The following NDUFAF6 variants were observed in gnomAD, a reference collection of about 807,000 sequenced individuals.
The protein encoded by NDUFAF6 is NADH:ubiquinone oxidoreductase complex assembly factor 6.
In NDUFAF6, 45 loss-of-function variants were observed where a neutral mutation model predicts 40.8. The observed-to-expected ratio is 1.10, with a 90% CI of 0.87 to 1.42. The LOEUF is 1.42. Among genes scored for constraint, NDUFAF6 ranks in the 40% most tolerant of loss-of-function variants. The pLI is 0.00. For synonymous variants in NDUFAF6, 185 were observed against 155.9 expected, an observed-to-expected ratio of 1.19 and a Z score of -1.39; for missense variants, 435 against 418.5, an observed-to-expected ratio of 1.04 and a Z score of -0.34.
intron 6 of NDUFAF6, among the ~76,000 whole-genome samples, chr8:95,047,432 C>A (rs943371739): frequency 6.6e-6 from 1 of 151,652 alleles, no homozygotes; most frequent in Admixed American, 6.6e-5. Context: ...TTCACCTTAG[C>A]CTGTTCTTTA....
intron 1 of NDUFAF6, chr8:94,930,802 A>T (rs1351502266): frequency 1.3e-6 from 2 of 1,513,224 alleles, no homozygotes; most frequent in East Asian, 4.6e-5. Context: ...GTTACTTAGC[A>T]ATTCAATTTG....
chr8:95,048,352 T>C, intron 6 of NDUFAF6, 105 bp from the exon 7 acceptor site: 1 of 807,216 alleles, frequency 1.2e-6, no homozygotes, highest in African/African-American at 1.7e-5. Context: ...ACGTGTTCTC[T>C]TGTGCTAAGT....
chr8:94,976,312 T>A (rs1824930296), intron 1 of NDUFAF6, among the ~76,000 whole-genome samples: 1 of 152,000 alleles, frequency 6.6e-6, no homozygotes, highest in Admixed American at 6.6e-5. Flanking sequence ...GAGACCATCC[T>A]AGCCAACGTG....
At position 95,066,289 on chromosome 8, in the gene NDUFAF6, T is replaced by C. The variant is rs1280617020; in HGVS notation, c.*512-9344T>C. On this transcript the variant is annotated intron_variant and NMD_transcript_variant, in intron 9 of 9. Coordinates refer to the NDUFAF6 transcript ENST00000520757. ...ATCATGCCTGGCTTGCTTGCTTGCT[T>C]TTTTTTTTTTTTTTTTTTTTTGAGA... 5.1e-4 allele frequency among the ~76,000 whole-genome samples: 8 copies of C among 15,640 alleles called. 1 individual carries two copies. Among genetic ancestry groups the C allele is most frequent in the African/African-American group, 9.7e-4 (6 of 6,184 alleles). The allele number at this position is 15,640 out of a possible 152,430, so 10.3% of individuals were successfully genotyped here.
rs139682872 is a variant in NDUFAF6, at chr8:95,031,148, G to A, written c.198-847G>A. On this transcript the variant is annotated intron_variant, in intron 1 of 8. Coordinates refer to ENST00000396124, the MANE Select transcript of NDUFAF6 (RefSeq NM_152416.4). ...AGGAGACAAATATCCAGATATCAGA[G>A]CCCTAGTTTCTTTCAGTGGAGAATG... Among the ~76,000 whole-genome samples the A allele has an allele frequency of 2.1e-3, 315 of 152,280 alleles. 2 individuals are homozygous for A. Among genetic ancestry groups the A allele is most frequent in the East Asian group, 0.012 (61 of 5,172 alleles).
At chr8:94,957,156 T>C (rs1823155931), upstream of NDUFAF6, among the ~76,000 whole-genome samples, 1 of 151,980 alleles carries the variant, frequency 6.6e-6, no homozygotes, top group African/African-American at 2.4e-5. Context: ...TGGACGACAA[T>C]GTGAGATTCC....
At chr8:95,086,210 C>A (rs1365514511) in intron 2 of NDUFAF6, among the ~76,000 whole-genome samples, 1 of 152,140 alleles carries the variant, frequency 6.6e-6, no homozygotes, top group African/African-American at 2.4e-5. Context: ...AAAATCACCT[C>A]AAACTGAGAA....
intron 2 of NDUFAF6, among the ~76,000 whole-genome samples, chr8:95,032,592 C>G (rs1261338728): frequency 6.6e-6 from 1 of 151,796 alleles, no homozygotes. Context: ...CTTTTTTCTT[C>G]TTTAGAATGG....
At chr8:94,918,407 A>G (rs1819278842) in intron 1 of NDUFAF6, among the ~76,000 whole-genome samples, 1 of 152,156 alleles carries the variant, frequency 6.6e-6, no homozygotes. Flanking sequence ...GACTCTGTTA[A>G]TGTTATTTCA....
chr8:95,105,060 CACACACAGAGAG>C (rs1809783410), downstream of NDUFAF6, among the ~76,000 whole-genome samples: 3 of 58,960 alleles, frequency 5.1e-5, no homozygotes, highest in South Asian at 2.5e-3. Flanking sequence ...CACACACACA[CACACACAGAGAG>C]AGAGAGAGAG....
chr8:95,040,347 T>C (rs1830015447), intron 3 of NDUFAF6, among the ~76,000 whole-genome samples: 1 of 152,228 alleles, frequency 6.6e-6, no homozygotes, highest in Non-Finnish European at 1.5e-5. Context: ...TGTTAATTTT[T>C]ATTACTTAGT....
intron 1 of NDUFAF6, among the ~76,000 whole-genome samples, chr8:94,962,982 G>A (rs950344013): frequency 6.6e-6 from 1 of 151,598 alleles, no homozygotes; most frequent in Admixed American, 6.6e-5. Flanking sequence ...GTAGAGACGG[G>A]GTTTCACCAA....
chr8:94,992,402 A>T (rs1408954895), intron 2 of NDUFAF6, among the ~76,000 whole-genome samples: 2 of 152,138 alleles, frequency 1.3e-5, no homozygotes, highest in East Asian at 3.9e-4. Flanking sequence ...CAAGAGAATC[A>T]CTTGAACCTG....
At chr8:94,963,050 C>T (rs1157839574) in intron 1 of NDUFAF6, among the ~76,000 whole-genome samples, 1 of 152,000 alleles carries the variant, frequency 6.6e-6, no homozygotes, top group Admixed American at 6.6e-5. Flanking sequence ...CTCGGCCTCC[C>T]AAAGTGCTGG....
chr8:95,093,543 C>T (rs1434979899), intron 2 of NDUFAF6, among the ~76,000 whole-genome samples: 1 of 152,192 alleles, frequency 6.6e-6, no homozygotes, highest in East Asian at 1.9e-4. Context: ...GTTAATGTTA[C>T]TTCTGTAAAC....
intron 2 of NDUFAF6, among the ~76,000 whole-genome samples, chr8:95,085,108 G>T (rs1285956534): frequency 6.6e-6 from 1 of 151,840 alleles, no homozygotes; most frequent in Non-Finnish European, 1.5e-5. Context: ...AAGCCCATTG[G>T]CTATTACCTG....
At chr8:94,951,467 T>C (rs1436389356) in intron 2 of NDUFAF6, 2 of 152,226 alleles carry the variant, frequency 1.3e-5, no homozygotes, top group African/African-American at 4.8e-5. Context: ...CCATCACAGA[T>C]CAGTGACTCT....
rs34298876 is a variant in NDUFAF6, at chr8:94,973,708, CAA to C, written c.-198-7136_-198-7135del. Among the ~76,000 whole-genome samples the C allele has an allele frequency of 7.4e-3, 933 of 126,506 alleles. 5 individuals carry two copies. The highest frequency in any genetic ancestry group is 0.024 in the African/African-American group (778 of 32,736). The allele number at this position is 126,506 out of a possible 152,430, so 83.0% of individuals were successfully genotyped here. A position where few individuals can be genotyped will look rare whatever the true frequency, so the allele number is the denominator to read the frequency against. On this transcript the variant is annotated intron_variant, in intron 1 of 9. Coordinates refer to the NDUFAF6 transcript ENST00000396111. ...GGGCGACAAGAGTGAGACTCTGTCT[CAA>C]AAAAAAAAAAAAAAGAAAGTGACCT...
intron 1 of NDUFAF6, among the ~76,000 whole-genome samples, chr8:95,026,203 C>CA (rs1828108745): frequency 6.6e-6 from 1 of 152,082 alleles, no homozygotes; most frequent in African/African-American, 2.4e-5. Context: ...GCGGTGGCTA[C>CA]ACGCCTGTAA....
Sources: allele counts gnomAD v4.1 joint callset (sites outside exome capture counted in the v4.1 genomes callset), GRCh38; gene constraint gnomAD v4.1.1; transcripts MANE v1.5; gene names NCBI Gene and HGNC (gene_info 2026-07-23, HGNC 2026-07-21).